POU2F3: variants seen among roughly 807,000 people sequenced by gnomAD.
POU2F3 encodes the protein POU class 2 homeobox 3.
Under a neutral mutation model 59.2 loss-of-function variants are expected in POU2F3, and 23 were observed. The ratio of observed to expected loss-of-function variants is 0.39; its 90% CI spans 0.28 to 0.55. The LOEUF is 0.55. Among genes scored for constraint, POU2F3 ranks in the 20% least tolerant of loss-of-function variants. The pLI is 0.66. For synonymous variants in POU2F3, 190 were observed against 214.6 expected, an observed-to-expected ratio of 0.89 and a Z score of 1.00; for missense variants, 473 against 544.5, an observed-to-expected ratio of 0.87 and a Z score of 1.31.
At chr11:120,290,847 C>T (rs966751847) in intron 3 of POU2F3, among the ~76,000 whole-genome samples, 6 of 152,186 alleles carry the variant, frequency 3.9e-5, no homozygotes, top group African/African-American at 7.2e-5. Flanking sequence ...CGCGTGTGTA[C>T]GTTCAGGACA....
chr11:120,282,611 G>A (rs1940615930), intron 3 of POU2F3, among the ~76,000 whole-genome samples: 1 of 152,082 alleles, frequency 6.6e-6, no homozygotes, highest in Non-Finnish European at 1.5e-5. Context: ...AGTCAAGATA[G>A]CACCACTGCA....
At chr11:120,262,003 G>T (rs958336208) in intron 2 of POU2F3, among the ~76,000 whole-genome samples, 38 of 152,160 alleles carry the variant, frequency 2.5e-4, no homozygotes, top group Admixed American at 1.4e-3. Context: ...CTGAAAGGAG[G>T]CCTGCTTCCC....
intron 3 of POU2F3, among the ~76,000 whole-genome samples, chr11:120,287,715 T>C (rs555761867): frequency 2.0e-5 from 3 of 148,678 alleles, no homozygotes; most frequent in African/African-American, 7.4e-5. Context: ...CCCCAGCTAA[T>C]AGGTGTAACA....
intron 1 of POU2F3, among the ~76,000 whole-genome samples, chr11:120,245,936 G>A (rs1938850520): frequency 1.3e-5 from 2 of 152,188 alleles, no homozygotes; most frequent in East Asian, 1.9e-4. Flanking sequence ...GAGAACCCAG[G>A]CAGGACCTGG....
intron 2 of POU2F3, among the ~76,000 whole-genome samples, chr11:120,250,697 T>A (rs1406730814): frequency 6.6e-6 from 1 of 152,144 alleles, no homozygotes. Context: ...GGTAGCTGTC[T>A]GGGCGCGGTG....
chr11:120,261,262 G>C (rs1255370226), intron 2 of POU2F3: 1 of 150,112 alleles, frequency 6.7e-6, no homozygotes, highest in African/African-American at 2.4e-5. Flanking sequence ...TGCTTTAAAA[G>C]CTCTTTCACT....
intron 2 of POU2F3, among the ~76,000 whole-genome samples, chr11:120,257,866 G>T (rs1050843096): frequency 1.3e-5 from 2 of 152,176 alleles, no homozygotes; most frequent in Non-Finnish European, 2.9e-5. Flanking sequence ...CATGCATTTT[G>T]GTGGCCAGCA....
chr11:120,315,566 G>A (rs955177177), intron 11 of POU2F3, 139 bp downstream of exon 11: 3 of 811,082 alleles, frequency 3.7e-6, no homozygotes, highest in Non-Finnish European at 5.8e-6. Flanking sequence ...GGGAAAAAAG[G>A]GTTCTGTGAT....
At chr11:120,240,421 G>A in intron 1 of POU2F3, 50 bp downstream of exon 1, 1 of 1,345,180 alleles carries the variant, frequency 7.4e-7, no homozygotes, top group Non-Finnish European at 9.6e-7. Flanking sequence ...CGCGTGGGCA[G>A]GGGTGAAGGA....
At position 120,252,797 on chromosome 11, in the gene POU2F3, A is replaced by G. The variant is rs140759019; in HGVS notation, c.97+6280A>G. On this transcript the variant is annotated intron_variant, in intron 2 of 12. Coordinates refer to ENST00000543440, the MANE Select transcript of POU2F3 (RefSeq NM_014352.4). ...CAACACCCAGGACTAGGGTAAGCAG[A>G]GGTGGCAGGATTGTATGGTTCAGAT... 2.0e-3 allele frequency among the ~76,000 whole-genome samples: 310 copies of G among 152,290 alleles called. 2 individuals carry two copies. Among genetic ancestry groups the G allele is most frequent in the African/African-American group, 7.1e-3 (294 of 41,564 alleles).
At chr11:120,286,288 T>C (rs149829123) in intron 3 of POU2F3, among the ~76,000 whole-genome samples, 58 of 152,338 alleles carry the variant, frequency 3.8e-4, no homozygotes, top group African/African-American at 1.3e-3. Context: ...ACTCCTTGAA[T>C]TCGTTTGTGC....
rs150249219 is a variant in POU2F3, at chr11:120,305,089, G to A, written c.504G>A (p.Gln168=). The A allele has an allele frequency of 6.2e-7, 1 of 1,613,728 alleles. No individual in the cohort carries two copies. Among genetic ancestry groups the A allele is most frequent in the Non-Finnish European group, 8.5e-7 (1 of 1,179,968 alleles). Residue 168 remains glutamine, a synonymous_variant, in exon 7 of 13, where the codon CAG becomes CAA. Transcript: ENST00000543440. ...TAGAACCCCACCTGGAAGCATCCCA[G>A]CATCTCCCAGTGCCCAAGCATCTAC... is the stretch of plus-strand genomic sequence containing the variant. ...SSLEPHLEAS[Q]HLPVPKHLPS...
chr11:120,252,206 C>CTT (rs1157582096), intron 2 of POU2F3, among the ~76,000 whole-genome samples: 54 of 124,778 alleles, frequency 4.3e-4, no homozygotes, highest in African/African-American at 1.2e-3. Flanking sequence ...TTCTGCTTTT[C>CTT]TTTTTTTTTT....
At chr11:120,291,720 TA>T (rs1156859548) in intron 3 of POU2F3, among the ~76,000 whole-genome samples, 6 of 152,352 alleles carry the variant, frequency 3.9e-5, no homozygotes, top group African/African-American at 9.6e-5. Context: ...TTTTCATCTA[TA>T]AAATGGGTCT....
intron 10 of POU2F3, 134 bp downstream of exon 10, chr11:120,309,720 A>G (rs1031272481): frequency 2.4e-5 from 26 of 1,091,058 alleles, no homozygotes; most frequent in Middle Eastern, 3.0e-4. Flanking sequence ...AGAATATAGT[A>G]TAAAGAAGGG....
intron 3 of POU2F3, among the ~76,000 whole-genome samples, chr11:120,289,001 G>A (rs890515856): frequency 1.3e-5 from 2 of 152,162 alleles, no homozygotes; most frequent in African/African-American, 4.8e-5. Flanking sequence ...ATAGACACGT[G>A]ACGTTTTGAA....
chr11:120,257,095 A>G (rs545945794), intron 2 of POU2F3: 1 of 152,354 alleles, frequency 6.6e-6, no homozygotes, highest in South Asian at 2.1e-4. Context: ...GGTGCGTAGT[A>G]AATGCTCAAT....
At chr11:120,317,997 C>T (rs184596144) in intron 12 of POU2F3, among the ~76,000 whole-genome samples, 6 of 152,274 alleles carry the variant, frequency 3.9e-5, no homozygotes, top group East Asian at 1.9e-4. Flanking sequence ...CAAATCCAGG[C>T]GGTTCAGCAA....
At chr11:120,246,397 T>C in intron 1 of POU2F3, 52 bp from the exon 2 acceptor site, 7 of 1,583,998 alleles carry the variant, frequency 4.4e-6, no homozygotes, top group Non-Finnish European at 6.1e-6. Flanking sequence ...ACATATGTCA[T>C]AGCAAGAAAA....
Sources: gnomAD v4.1 joint callset for allele counts (sites outside exome capture counted in the v4.1 genomes callset) on GRCh38, gnomAD v4.1.1 for gene constraint, MANE v1.5 for transcripts, NCBI Gene and HGNC (gene_info 2026-07-23, HGNC 2026-07-21) for gene names.